Variants in PRELID2 observed in about 807,000 individuals in gnomAD.
PRELID2 encodes the protein PRELI domain-containing protein 2.
PRELID2 carries 25 observed loss-of-function variants against 28.4 expected under a neutral mutation model. That is an observed-to-expected ratio of 0.88 (90% CI 0.64 to 1.23). The LOEUF (loss-of-function observed/expected upper bound fraction) is 1.23. Ranked by LOEUF, PRELID2 falls within the 50% of genes most tolerant of loss-of-function variation. PRELID2 has a pLI of 0.00. For missense variants in PRELID2, 201 were observed against 214.4 expected, an observed-to-expected ratio of 0.94 and a Z score of 0.39; for synonymous variants, 76 against 71.6, an observed-to-expected ratio of 1.06 and a Z score of -0.31.
At chr5:145,804,371 G>A (rs969406243) in intron 4 of PRELID2, among the ~76,000 whole-genome samples, 1 of 152,024 alleles carries the variant, frequency 6.6e-6, no homozygotes, top group Non-Finnish European at 1.5e-5. Context: ...TTAGCTGGGT[G>A]TGGTGGCATA....
At chr5:145,418,167 A>T in the PRELID2 span, among the ~76,000 whole-genome samples, 1 of 152,192 alleles carries the variant, frequency 6.6e-6, no homozygotes, top group Non-Finnish European at 1.5e-5. Context: ...AATACCTAGG[A>T]ATACAGATAA....
the PRELID2 span, among the ~76,000 whole-genome samples, chr5:145,442,315 T>C: frequency 2.6e-5 from 4 of 152,078 alleles, no homozygotes; most frequent in Admixed American, 1.3e-4. Flanking sequence ...AAATTCTGAA[T>C]ACCTTTAGTT....
intron 5 of PRELID2, chr5:145,796,227 G>T: frequency 8.2e-6 from 3 of 364,110 alleles, no homozygotes; most frequent in East Asian, 4.8e-5. Context: ...CTCTTCATTG[G>T]CATATTTTTA....
chr5:145,281,776 A>G, the PRELID2 span, among the ~76,000 whole-genome samples: 1 of 152,242 alleles, frequency 6.6e-6, no homozygotes, highest in Non-Finnish European at 1.5e-5. Flanking sequence ...TCAATACAGT[A>G]GAATAAGCAT....
At chr5:145,684,314 ACT>A (rs1294927080) in intron 1 of PRELID2, among the ~76,000 whole-genome samples, 23 of 151,998 alleles carry the variant, frequency 1.5e-4, no homozygotes, top group Admixed American at 1.2e-3. Flanking sequence ...ATCAGAATAA[ACT>A]CTTCTTTGTG....
the PRELID2 span, among the ~76,000 whole-genome samples, chr5:145,377,762 G>T: frequency 4.5e-4 from 68 of 152,138 alleles, no homozygotes; most frequent in South Asian, 2.9e-3. Flanking sequence ...CAAGAAATGG[G>T]TCTCTTGAAA....
At chr5:145,252,729 A>G in the PRELID2 span, among the ~76,000 whole-genome samples, 6 of 150,810 alleles carry the variant, frequency 4.0e-5, no homozygotes, top group African/African-American at 1.5e-4. Context: ...GTTATTGTTT[A>G]AAAGGTACAG....
chr5:145,820,116 GTTT>G (rs778856565), intron 2 of PRELID2, 98 bp from the exon 3 acceptor site: 3 of 540,792 alleles, frequency 5.5e-6, no homozygotes, highest in Admixed American at 4.3e-5. Flanking sequence ...TTTGTTTTTT[GTTT>G]TTTGTTTTTT....
the PRELID2 span, among the ~76,000 whole-genome samples, chr5:145,281,154 A>T: frequency 2.0e-5 from 3 of 152,180 alleles, no homozygotes; most frequent in African/African-American, 7.2e-5. Context: ...CTAGAAAAGC[A>T]TACCTTTCTT....
intron 1 of PRELID2, among the ~76,000 whole-genome samples, chr5:145,558,987 G>A (rs1409738644): frequency 1.3e-5 from 2 of 152,174 alleles, no homozygotes; most frequent in African/African-American, 4.8e-5. Context: ...GGGCACAGTG[G>A]CTCACGCCTG....
At chr5:145,730,161 T>A (rs149906931) in intron 1 of PRELID2, among the ~76,000 whole-genome samples, 42 of 152,230 alleles carry the variant, frequency 2.8e-4, no homozygotes, top group Middle Eastern at 3.4e-3. Flanking sequence ...GAGCTTAGTG[T>A]TCCAAAGGCC....
chr5:145,373,133 T>A, the PRELID2 span, among the ~76,000 whole-genome samples: 10 of 45,784 alleles, frequency 2.2e-4, no homozygotes, highest in Admixed American at 3.3e-3. Flanking sequence ...ACATGATATA[T>A]ATTACAACAT....
the PRELID2 span, among the ~76,000 whole-genome samples, chr5:145,459,807 A>C: frequency 6.7e-6 from 1 of 150,334 alleles, no homozygotes; most frequent in African/African-American, 2.5e-5. Flanking sequence ...GAATAATTAC[A>C]ATTTAATTTT....
intron 1 of PRELID2, among the ~76,000 whole-genome samples, chr5:145,572,971 G>T (rs1348415832): frequency 6.6e-6 from 1 of 152,082 alleles, no homozygotes; most frequent in African/African-American, 2.4e-5. Flanking sequence ...CCCTCTCCTG[G>T]ATAGTCCAAC....
chr5:145,517,382 T>C (rs780562734), intron 1 of PRELID2, among the ~76,000 whole-genome samples: 62 of 151,606 alleles, frequency 4.1e-4, no homozygotes, highest in Non-Finnish European at 7.7e-4. Context: ...CAGAAAAACA[T>C]GAAAAAAAGC....
intron 5 of PRELID2, among the ~76,000 whole-genome samples, chr5:145,773,031 C>T (rs1480251746): frequency 1.3e-5 from 2 of 152,168 alleles, no homozygotes; most frequent in Non-Finnish European, 2.9e-5. Context: ...TTAGGTGTAA[C>T]TGCAGAACAT....
intron 1 of PRELID2, among the ~76,000 whole-genome samples, chr5:145,585,927 A>G (rs943408030): frequency 1.1e-4 from 16 of 152,128 alleles, no homozygotes; most frequent in African/African-American, 3.9e-4. Context: ...AAAGACTGTG[A>G]GTCCATGAAT....
the PRELID2 span, among the ~76,000 whole-genome samples, chr5:145,463,260 C>T: frequency 6.6e-6 from 1 of 151,136 alleles, no homozygotes; most frequent in African/African-American, 2.4e-5. Context: ...AATTATAAAT[C>T]TTTGCAAAAC....
intron 1 of PRELID2, among the ~76,000 whole-genome samples, chr5:145,572,895 T>C (rs1046827486): frequency 2.6e-5 from 4 of 152,124 alleles, no homozygotes; most frequent in Admixed American, 1.3e-4. Flanking sequence ...TCTTGTGGGG[T>C]ATACTTTGTG....
Sources: allele counts gnomAD v4.1 joint callset (sites outside exome capture counted in the v4.1 genomes callset), GRCh38; gene constraint gnomAD v4.1.1; transcripts MANE v1.5; gene names NCBI Gene and HGNC (gene_info 2026-07-23, HGNC 2026-07-21).